The following PRXL2A variants were observed in gnomAD, a reference collection of about 807,000 sequenced individuals.
PRXL2A encodes the protein peroxiredoxin-like 2A.
Under a neutral mutation model 25.6 loss-of-function variants are expected in PRXL2A, and 26 were observed. The ratio of observed to expected loss-of-function variants is 1.02; its 90% CI spans 0.74 to 1.41. PRXL2A has a LOEUF of 1.41. PRXL2A is among the 40% of genes most tolerant of loss of function. PRXL2A has a pLI of 0.00. For missense variants in PRXL2A, 246 were observed against 273.9 expected (o/e 0.90, Z 0.72); for synonymous variants, 98 against 102.9 (o/e 0.95, Z 0.29).
intron 3 of PRXL2A, among the ~76,000 whole-genome samples, 153 bp from the exon 4 acceptor site, chr10:80,425,713 C>T (rs1845017435): frequency 6.6e-6 from 1 of 152,186 alleles, no homozygotes; most frequent in African/African-American, 2.4e-5. Flanking sequence ...TGGCTGCTCC[C>T]AAGCTGTGGT....
At chr10:80,428,726 G>A (rs1349554801) in intron 5 of PRXL2A, among the ~76,000 whole-genome samples, 3 of 151,116 alleles carry the variant, frequency 2.0e-5, no homozygotes, top group Non-Finnish European at 4.4e-5. Context: ...CTGGTGGCCT[G>A]ACTTCTAGGC....
At chr10:80,429,588 TCCTGC>T (rs139041867) in intron 5 of PRXL2A, among the ~76,000 whole-genome samples, 4,935 of 77,222 alleles carry the variant, frequency 0.064, 193 homozygotes, top group African/African-American at 0.085. Flanking sequence ...CCCTAGCCTC[TCCTGC>T]CCTGCCCTGC....
At chr10:80,428,532 A>G (rs1219966484) in intron 5 of PRXL2A, among the ~76,000 whole-genome samples, 1 of 152,178 alleles carries the variant, frequency 6.6e-6, no homozygotes, top group African/African-American at 2.4e-5. Flanking sequence ...AGCCGGGTGT[A>G]GTGGTGCGCA....
intron 5 of PRXL2A, among the ~76,000 whole-genome samples, chr10:80,430,049 TAG>T (rs1444331905): frequency 6.6e-6 from 1 of 151,912 alleles, no homozygotes; most frequent in African/African-American, 2.4e-5. Flanking sequence ...TTGTTGGGTG[TAG>T]AGTTTTTGTA....
chr10:80,415,035 C>A (rs569585543), intron 1 of PRXL2A, among the ~76,000 whole-genome samples: 3 of 152,210 alleles, frequency 2.0e-5, no homozygotes, highest in Non-Finnish European at 4.4e-5. Context: ...ATGGGAGTTG[C>A]TTTGTAGCCC....
intron 1 of PRXL2A, chr10:80,409,119 G>T (rs2131870984): frequency 1.0e-6 from 1 of 974,454 alleles, no homozygotes; most frequent in South Asian, 4.7e-5. Flanking sequence ...TTAGGGTCGT[G>T]TCTTTTAAGA....
chr10:80,415,293 G>A (rs1337805157), intron 1 of PRXL2A, among the ~76,000 whole-genome samples: 2 of 152,222 alleles, frequency 1.3e-5, no homozygotes, highest in Admixed American at 6.5e-5. Context: ...CACAGTGGGA[G>A]GTCAGAAGAC....
chr10:80,428,015 A>G (rs1845110585), intron 5 of PRXL2A, among the ~76,000 whole-genome samples: 2 of 152,206 alleles, frequency 1.3e-5, no homozygotes, highest in South Asian at 4.1e-4. Context: ...AAAAAAAATA[A>G]GAGGAGAAAA....
chr10:80,416,330 C>T (rs766787505), intron 1 of PRXL2A, among the ~76,000 whole-genome samples: 18 of 152,166 alleles, frequency 1.2e-4, no homozygotes, highest in African/African-American at 1.9e-4. Flanking sequence ...ACCAGAGGTG[C>T]GCTGTGCTAG....
chr10:80,431,331 G>A (rs1845252066), intron 5 of PRXL2A, among the ~76,000 whole-genome samples: 1 of 150,296 alleles, frequency 6.7e-6, no homozygotes, highest in Non-Finnish European at 1.5e-5. Context: ...ATGACACAGT[G>A]TATTTACAGA....
chr10:80,410,592 G>A (rs994033505), intron 1 of PRXL2A, among the ~76,000 whole-genome samples: 3 of 152,242 alleles, frequency 2.0e-5, no homozygotes, highest in Non-Finnish European at 2.9e-5. Context: ...TTTCTAGTGC[G>A]TTACCGCATT....
At chr10:80,421,045 C>G (rs1390156680) in intron 2 of PRXL2A, among the ~76,000 whole-genome samples, 1 of 152,122 alleles carries the variant, frequency 6.6e-6, no homozygotes, top group Non-Finnish European at 1.5e-5. Flanking sequence ...CTTGTGGGAT[C>G]GTCAAACTAA....
At chr10:80,420,768 T>C in intron 2 of PRXL2A, 123 bp downstream of exon 2, 1 of 720,096 alleles carries the variant, frequency 1.4e-6, no homozygotes, top group Non-Finnish European at 2.0e-6. Context: ...TTAGGAAAAA[T>C]TTAATAACAA....
chr10:80,426,140 G>A (rs745627435), intron 4 of PRXL2A, 134 bp downstream of exon 4: 2 of 1,011,984 alleles, frequency 2.0e-6, no homozygotes, highest in Non-Finnish European at 1.5e-6. Flanking sequence ...AACTTGCAAG[G>A]CCTTTTTCAG....
intron 4 of PRXL2A, among the ~76,000 whole-genome samples, chr10:80,426,792 C>T (rs969386207): frequency 1.3e-5 from 2 of 152,194 alleles, no homozygotes; most frequent in African/African-American, 4.8e-5. Flanking sequence ...CTAGGTCAGG[C>T]CTACCTTGAG....
intron 1 of PRXL2A, among the ~76,000 whole-genome samples, chr10:80,412,051 G>T (rs1020536563): frequency 6.6e-6 from 1 of 152,180 alleles, no homozygotes; most frequent in Non-Finnish European, 1.5e-5. Context: ...CAGGGTGAAT[G>T]TGCACACCCA....
chr10:80,419,363 A>C (rs554854868), intron 1 of PRXL2A, among the ~76,000 whole-genome samples: 33 of 140,966 alleles, frequency 2.3e-4, no homozygotes, highest in Non-Finnish European at 4.4e-4. Flanking sequence ...GCTGAAGTGC[A>C]ATGGCACGAT....
intron 4 of PRXL2A, 38 bp from the exon 5 acceptor site, chr10:80,427,294 A>G (rs750788642): frequency 6.4e-7 from 1 of 1,552,406 alleles, no homozygotes; most frequent in Non-Finnish European, 8.9e-7. Context: ...GCAGGCATGT[A>G]GAGTACTCAT....
intron 5 of PRXL2A, among the ~76,000 whole-genome samples, chr10:80,427,988 C>T (rs1010568419): frequency 2.0e-5 from 3 of 151,904 alleles, no homozygotes; most frequent in African/African-American, 7.3e-5. Context: ...TCCAGGCCAC[C>T]ATGGATGGAT....
Sources: allele counts gnomAD v4.1 joint callset (sites outside exome capture counted in the v4.1 genomes callset), GRCh38; gene constraint gnomAD v4.1.1; transcripts MANE v1.5; gene names NCBI Gene and HGNC (gene_info 2026-07-23, HGNC 2026-07-21).